Variants in BNC2 observed in about 807,000 individuals in gnomAD.
The protein encoded by BNC2 is basonuclin zinc finger protein 2, also known as zinc finger protein basonuclin-2.
In BNC2, 20 loss-of-function variants were observed where a neutral mutation model predicts 76.3. The ratio of observed to expected loss-of-function variants is 0.26; its 90% CI spans 0.18 to 0.38. BNC2 has a LOEUF of 0.38. BNC2 is among the 10% of genes least tolerant of loss of function. BNC2 has a pLI of 1.00. For synonymous variants in BNC2, 582 were observed against 514.8 expected (o/e 1.13, Z -1.77); for missense variants, 1,382 against 1,399.8 (o/e 0.99, Z 0.20).
chr9:16,580,023 C>T (rs1365515180), intron 4 of BNC2: 3 of 398,160 alleles, frequency 7.5e-6, no homozygotes, highest in Non-Finnish European at 1.3e-5. Context: ...GAAAATTACA[C>T]ACTAGAAAAC....
At chr9:16,709,793 G>A (rs1221097361) in intron 3 of BNC2, among the ~76,000 whole-genome samples, 1 of 152,090 alleles carries the variant, frequency 6.6e-6, no homozygotes, top group Admixed American at 6.6e-5. Context: ...CAAAGTTTAA[G>A]CATTGTCAAC....
intron 3 of BNC2, among the ~76,000 whole-genome samples, chr9:16,659,147 CG>C (rs34748774): frequency 0.1 from 15,165 of 150,192 alleles, 2,063 homozygotes; most frequent in African/African-American, 0.3. Context: ...AGATGGATGG[CG>C]GGGGGGGGCA....
At chr9:16,674,818 T>C (rs1175544185) in intron 3 of BNC2, among the ~76,000 whole-genome samples, 1 of 152,222 alleles carries the variant, frequency 6.6e-6, no homozygotes, top group Non-Finnish European at 1.5e-5. Context: ...CTTGAAGCTC[T>C]CCACTGGCAC....
intron 5 of BNC2, among the ~76,000 whole-genome samples, chr9:16,535,497 T>G (rs1202760040): frequency 2.0e-5 from 3 of 152,142 alleles, no homozygotes; most frequent in Non-Finnish European, 4.4e-5. Context: ...CCTCATCTAG[T>G]GCATCTAGTC....
At chr9:16,643,745 T>C (rs1316321565) in intron 3 of BNC2, among the ~76,000 whole-genome samples, 1 of 152,186 alleles carries the variant, frequency 6.6e-6, no homozygotes, top group Non-Finnish European at 1.5e-5. Context: ...AAATCATTTT[T>C]AGCTTCTTCT....
intron 5 of BNC2, among the ~76,000 whole-genome samples, chr9:16,455,795 A>G (rs929514695): frequency 8.0e-5 from 12 of 149,678 alleles, no homozygotes; most frequent in Non-Finnish European, 1.3e-4. Flanking sequence ...TCCATCTCCA[A>G]AAAAAAAAAA....
At chr9:16,856,584 A>G (rs1443142059) in intron 1 of BNC2, among the ~76,000 whole-genome samples, 1 of 152,108 alleles carries the variant, frequency 6.6e-6, no homozygotes, top group Non-Finnish European at 1.5e-5. Context: ...CTTCGTGTAA[A>G]TATATTTCTT....
At chr9:16,782,090 G>C (rs922757620) in intron 1 of BNC2, among the ~76,000 whole-genome samples, 14 of 151,946 alleles carry the variant, frequency 9.2e-5, no homozygotes, top group Non-Finnish European at 7.4e-5. Flanking sequence ...ATCGAGACCA[G>C]CCTGGCCAAC....
At position 16,454,655 on chromosome 9, in the gene BNC2, C is replaced by T. The variant is rs568961624; in HGVS notation, c.670-17131G>A. Among the ~76,000 whole-genome samples, 144 of 152,174 alleles carry T rather than the reference C, an allele frequency of 9.5e-4. 3 individuals carry two copies. The highest frequency in any genetic ancestry group is 3.4e-3 in the Middle Eastern group (1 of 294). ...TAATTTGTTTCTGTTGAAAACTAAC[C>T]ACTTGTTACTTCTGTAAACTCAACT... On this transcript the variant is annotated intron_variant, in intron 5 of 6. Transcript: ENST00000380672.
intron 3 of BNC2, among the ~76,000 whole-genome samples, chr9:16,664,243 C>G (rs1260959584): frequency 2.0e-5 from 3 of 152,136 alleles, no homozygotes; most frequent in African/African-American, 7.2e-5. Flanking sequence ...TTCAGAGTCC[C>G]AAGGTTGTCC....
intron 5 of BNC2, among the ~76,000 whole-genome samples, chr9:16,542,247 A>G (rs575515494): frequency 6.6e-6 from 1 of 152,290 alleles, no homozygotes; most frequent in Non-Finnish European, 1.5e-5. Context: ...AATGACGATG[A>G]GTTCGAGCAG....
At chr9:16,497,978 G>GGTGTGTGT (rs34523754) in intron 5 of BNC2, among the ~76,000 whole-genome samples, 5,366 of 134,734 alleles carry the variant, frequency 0.04, 133 homozygotes, top group East Asian at 0.083. Flanking sequence ...AAGAAACTGT[G>GGTGTGTGT]GTGTGTGTGT....
At chr9:16,749,289 C>T in intron 1 of BNC2, among the ~76,000 whole-genome samples, 1 of 152,132 alleles carries the variant, frequency 6.6e-6, no homozygotes, top group East Asian at 1.9e-4. Flanking sequence ...CAAATCAGTA[C>T]ACGTGTTGTT....
intron 5 of BNC2, among the ~76,000 whole-genome samples, chr9:16,511,420 C>CTTTT (rs758039548): frequency 1.7e-4 from 12 of 69,492 alleles, no homozygotes; most frequent in Admixed American, 3.6e-4. Flanking sequence ...AATAAATTTA[C>CTTTT]TTTTTTTTTT....
intron 1 of BNC2, among the ~76,000 whole-genome samples, chr9:16,776,788 G>T (rs760863741): frequency 1.3e-5 from 2 of 152,186 alleles, no homozygotes; most frequent in African/African-American, 2.4e-5. Context: ...AATAATAAGG[G>T]TCAATTGAAA....
chr9:16,465,722 T>A (rs1316690707), intron 5 of BNC2, among the ~76,000 whole-genome samples: 2 of 152,196 alleles, frequency 1.3e-5, no homozygotes, highest in Non-Finnish European at 2.9e-5. Context: ...AACACTTTCT[T>A]AACATATCTC....
intron 1 of BNC2, among the ~76,000 whole-genome samples, chr9:16,854,655 G>A (rs543094414): frequency 6.6e-6 from 1 of 152,008 alleles, no homozygotes; most frequent in South Asian, 2.1e-4. Context: ...AATTTGAAAC[G>A]AGTGAAATGA....
intron 5 of BNC2, among the ~76,000 whole-genome samples, chr9:16,511,880 T>C (rs1258687222): frequency 1.7e-4 from 26 of 152,226 alleles, no homozygotes; most frequent in Admixed American, 1.6e-3. Context: ...ATTTGTGTAC[T>C]TGTGTGTCTG....
intron 3 of BNC2, among the ~76,000 whole-genome samples, chr9:16,676,290 T>C (rs561713850): frequency 2.0e-5 from 3 of 152,288 alleles, no homozygotes; most frequent in Admixed American, 6.5e-5. Context: ...TATAAAAATA[T>C]GGATATATAC....
Sources: gnomAD v4.1 joint callset for allele counts (sites outside exome capture counted in the v4.1 genomes callset) on GRCh38, gnomAD v4.1.1 for gene constraint, MANE v1.5 for transcripts, NCBI Gene and HGNC (gene_info 2026-07-23, HGNC 2026-07-21) for gene names.